Variants in FSTL5 observed in about 807,000 individuals in gnomAD.
FSTL5 encodes the protein follistatin like 5.
Under a neutral mutation model 89.1 loss-of-function variants are expected in FSTL5, and 62 were observed. That is an observed-to-expected ratio of 0.70 (90% CI 0.57 to 0.86). The LOEUF is 0.86. Ranked by LOEUF, FSTL5 falls within the 40% of genes least tolerant of loss-of-function variation. The pLI is 0.00. For synonymous variants in FSTL5, 383 were observed against 346.2 expected, an observed-to-expected ratio of 1.11 and a Z score of -1.18; for missense variants, 1,057 against 1,001.6, an observed-to-expected ratio of 1.06 and a Z score of -0.75.
chr4:161,655,338 A>G lies in FSTL5; in HGVS notation c.894+990T>C, dbSNP rs138581386. 2.2e-3 allele frequency among the ~76,000 whole-genome samples: 332 copies of G among 152,054 alleles called. 3 individuals carry two copies. Among genetic ancestry groups the G allele is most frequent in the Admixed American group, 0.02 (309 of 15,258 alleles). On this transcript the variant is annotated intron_variant, in intron 7 of 15. Transcript: ENST00000306100. ...TTTATTGAGAAACTATCCAGCTCTT[A>G]CTCAGTAATAGCATAGATGACTTCA... is the stretch of plus-strand genomic sequence containing the variant.
At chr4:161,581,213 C>T (rs182086455) in intron 8 of FSTL5, among the ~76,000 whole-genome samples, 80 of 152,216 alleles carry the variant, frequency 5.3e-4, no homozygotes, top group African/African-American at 1.9e-3. Context: ...TGTTCTATGC[C>T]CTACTTAGAG....
intron 12 of FSTL5, among the ~76,000 whole-genome samples, chr4:161,484,619 ACATTGG>A (rs1462999258): frequency 2.0e-5 from 3 of 152,164 alleles, no homozygotes; most frequent in Non-Finnish European, 4.4e-5. Context: ...ACCATGCTTC[ACATTGG>A]CTTTCATGAC....
intron 1 of FSTL5, among the ~76,000 whole-genome samples, chr4:162,142,395 T>C (rs1000417411): frequency 1.3e-5 from 2 of 152,110 alleles, no homozygotes; most frequent in African/African-American, 2.4e-5. Flanking sequence ...TTGATGGAAA[T>C]AGAATTAAAG....
chr4:161,488,570 C>G (rs1729758869), intron 12 of FSTL5, among the ~76,000 whole-genome samples: 1 of 151,982 alleles, frequency 6.6e-6, no homozygotes, highest in Non-Finnish European at 1.5e-5. Context: ...CAAGGGTGCA[C>G]TTATATTATC....
intron 12 of FSTL5, among the ~76,000 whole-genome samples, chr4:161,488,439 A>G (rs1472250744): frequency 6.6e-6 from 1 of 152,106 alleles, no homozygotes; most frequent in East Asian, 1.9e-4. Flanking sequence ...GCTATACAAT[A>G]AAAACAAAGC....
At chr4:162,125,612 T>G (rs2111444606) in intron 1 of FSTL5, among the ~76,000 whole-genome samples, 1 of 152,234 alleles carries the variant, frequency 6.6e-6, no homozygotes, top group East Asian at 1.9e-4. Flanking sequence ...TGATATTCAA[T>G]AAGGAAATCC....
chr4:162,102,915 C>G (rs1280481284), intron 2 of FSTL5, among the ~76,000 whole-genome samples: 1 of 151,498 alleles, frequency 6.6e-6, no homozygotes, highest in African/African-American at 2.4e-5. Context: ...ACTTTTTTAG[C>G]ATTTCAAAAG....
intron 2 of FSTL5, among the ~76,000 whole-genome samples, chr4:162,052,771 C>T (rs1738422096): frequency 6.6e-6 from 1 of 151,814 alleles, no homozygotes; most frequent in African/African-American, 2.4e-5. Context: ...AAAGCACACA[C>T]TTTTTTGTGG....
intron 2 of FSTL5, among the ~76,000 whole-genome samples, chr4:162,048,727 G>A (rs1329424232): frequency 1.3e-5 from 2 of 152,070 alleles, no homozygotes; most frequent in Admixed American, 6.6e-5. Context: ...ATGCATAGAT[G>A]TCAATAAGAA....
chr4:161,680,121 G>T (rs771762501), intron 6 of FSTL5, among the ~76,000 whole-genome samples: 1 of 151,728 alleles, frequency 6.6e-6, no homozygotes, highest in African/African-American at 2.4e-5. Flanking sequence ...CTTTAAATAT[G>T]TTTGTTTACA....
chr4:161,783,713 TTCTTTC>T (rs1741770947), intron 4 of FSTL5, among the ~76,000 whole-genome samples: 1 of 30,144 alleles, frequency 3.3e-5, no homozygotes, highest in African/African-American at 1.1e-4. Flanking sequence ...CTTTCTTTCT[TTCTTTC>T]TTTCTTCTTT....
intron 10 of FSTL5, among the ~76,000 whole-genome samples, chr4:161,516,337 T>C (rs1305968543): frequency 6.7e-6 from 1 of 148,894 alleles, no homozygotes; most frequent in African/African-American, 2.4e-5. Context: ...CAGCTACATA[T>C]AATAAATTCA....
At position 161,987,770 on chromosome 4, in the gene FSTL5, T is replaced by C. The variant is rs571779370; in HGVS notation, c.160+45855A>G. Reference sequence around the variant, plus strand: ...ATGCTAACTTGCAGGCTGAAGTTTCTCAATGCAGGAATGCAGGACAACACC... The same window carrying C: ...ATGCTAACTTGCAGGCTGAAGTTTCCCAATGCAGGAATGCAGGACAACACC... On this transcript the variant is annotated intron_variant, in intron 3 of 15. Transcript: ENST00000306100. Among the ~76,000 whole-genome samples, 525 of 151,744 alleles carry C rather than the reference T, an allele frequency of 3.5e-3. 3 individuals are homozygous for C. Among genetic ancestry groups the C allele is most frequent in the African/African-American group, 0.012 (505 of 41,490 alleles).
At chr4:161,536,223 A>T (rs558240749) in intron 10 of FSTL5, among the ~76,000 whole-genome samples, 54 of 152,188 alleles carry the variant, frequency 3.5e-4, no homozygotes, top group Non-Finnish European at 4.9e-4. Flanking sequence ...CTGCACATGC[A>T]CTCTTTATAA....
At chr4:161,797,978 C>A (rs1434612) in intron 4 of FSTL5, among the ~76,000 whole-genome samples, 78,899 of 151,258 alleles carry the variant, frequency 0.52, 24,606 homozygotes, top group Non-Finnish European at 0.7. Flanking sequence ...AAGAGTAATG[C>A]TCATCATCAA....
intron 3 of FSTL5, among the ~76,000 whole-genome samples, chr4:161,945,059 T>C (rs1406660853): frequency 6.6e-6 from 1 of 152,128 alleles, no homozygotes; most frequent in Non-Finnish European, 1.5e-5. Flanking sequence ...TTATCTCAGG[T>C]AGTATACACT....
intron 13 of FSTL5, among the ~76,000 whole-genome samples, chr4:161,462,296 A>C (rs1321472122): frequency 1.3e-5 from 2 of 152,146 alleles, no homozygotes; most frequent in Non-Finnish European, 2.9e-5. Flanking sequence ...GAATGTGTGG[A>C]TATGTTGCTC....
intron 6 of FSTL5, among the ~76,000 whole-genome samples, chr4:161,695,835 G>A (rs988769973): frequency 6.6e-6 from 1 of 151,878 alleles, no homozygotes; most frequent in African/African-American, 2.4e-5. Flanking sequence ...ATTTGTTTGA[G>A]TTCCTTATAG....
intron 12 of FSTL5, among the ~76,000 whole-genome samples, chr4:161,485,509 T>C (rs1436227163): frequency 6.6e-6 from 1 of 152,090 alleles, no homozygotes; most frequent in African/African-American, 2.4e-5. Flanking sequence ...AGAGAGATAA[T>C]ATAGAACAAA....
Sources: allele counts gnomAD v4.1 joint callset (sites outside exome capture counted in the v4.1 genomes callset), GRCh38; gene constraint gnomAD v4.1.1; transcripts MANE v1.5; gene names NCBI Gene and HGNC (gene_info 2026-07-23, HGNC 2026-07-21).